Variants in PPARGC1A observed in about 807,000 individuals in gnomAD.
The protein encoded by PPARGC1A is PPARG coactivator 1 alpha.
In PPARGC1A, 25 loss-of-function variants were observed where a neutral mutation model predicts 88.7. The ratio of observed to expected loss-of-function variants is 0.28; its 90% CI spans 0.21 to 0.39. PPARGC1A has a LOEUF of 0.39. Ranked by LOEUF, PPARGC1A falls within the 10% of genes least tolerant of loss-of-function variation. PPARGC1A has a pLI of 1.00. For missense variants in PPARGC1A, 880 were observed against 968.7 expected (o/e 0.91, Z 1.22); for synonymous variants, 363 against 355.6 (o/e 1.02, Z -0.24).
the PPARGC1A span, among the ~76,000 whole-genome samples, chr4:24,122,420 T>TGCGC: frequency 1.9e-5 from 2 of 107,932 alleles, no homozygotes; most frequent in South Asian, 3.7e-4. Flanking sequence ...TGTGTGCATA[T>TGCGC]ATATATATAT....
chr4:24,359,940 G>A, the PPARGC1A span, among the ~76,000 whole-genome samples: 33 of 152,232 alleles, frequency 2.2e-4, no homozygotes, highest in South Asian at 2.1e-4. Flanking sequence ...ACAGCAGCCC[G>A]AGGAAACTAA....
chr4:24,005,979 T>C, the PPARGC1A span, among the ~76,000 whole-genome samples: 4 of 152,166 alleles, frequency 2.6e-5, no homozygotes, highest in East Asian at 7.7e-4. Flanking sequence ...GATCCAGAAC[T>C]AGATGCAAGA....
the PPARGC1A span, among the ~76,000 whole-genome samples, chr4:24,348,629 A>G: frequency 1.3e-5 from 2 of 152,244 alleles, no homozygotes; most frequent in East Asian, 3.9e-4. Flanking sequence ...TTGCATTTCT[A>G]GAAGTGTGTC....
At chr4:23,953,428 C>T in the PPARGC1A span, among the ~76,000 whole-genome samples, 1 of 152,000 alleles carries the variant, frequency 6.6e-6, no homozygotes, top group South Asian at 2.1e-4. Context: ...GAGAGAAAAA[C>T]TTTATTATGG....
intron 2 of PPARGC1A, among the ~76,000 whole-genome samples, chr4:23,876,701 G>T (rs1714753083): frequency 6.6e-6 from 1 of 151,976 alleles, no homozygotes; most frequent in South Asian, 2.1e-4. Context: ...GAATGAAAAA[G>T]TGCAGTGAAG....
the PPARGC1A span, among the ~76,000 whole-genome samples, chr4:24,305,446 C>T: frequency 1.3e-5 from 2 of 152,078 alleles, no homozygotes; most frequent in Admixed American, 6.6e-5. Context: ...CTAACATCTA[C>T]GTTGCAAAGT....
At chr4:24,349,660 A>C in the PPARGC1A span, among the ~76,000 whole-genome samples, 1 of 152,156 alleles carries the variant, frequency 6.6e-6, no homozygotes, top group Non-Finnish European at 1.5e-5. Flanking sequence ...TGCCCCCACC[A>C]ACAGCCCCAA....
the PPARGC1A span, among the ~76,000 whole-genome samples, chr4:24,303,228 A>G: frequency 6.6e-6 from 1 of 152,216 alleles, no homozygotes; most frequent in Non-Finnish European, 1.5e-5. Flanking sequence ...GAAGACAGAG[A>G]AGAAGTTATT....
the PPARGC1A span, among the ~76,000 whole-genome samples, chr4:24,353,315 T>C: frequency 6.7e-6 from 1 of 149,784 alleles, no homozygotes; most frequent in Non-Finnish European, 1.5e-5. Flanking sequence ...AAGCCGAGCA[T>C]AGAAGGGAAC....
the PPARGC1A span, among the ~76,000 whole-genome samples, chr4:24,445,745 G>A: frequency 6.6e-6 from 1 of 152,212 alleles, no homozygotes; most frequent in East Asian, 1.9e-4. Context: ...AATGTGTTCT[G>A]AGAATCTGGA....
At chr4:24,178,358 T>C in the PPARGC1A span, among the ~76,000 whole-genome samples, 58 of 152,194 alleles carry the variant, frequency 3.8e-4, no homozygotes, top group Non-Finnish European at 8.1e-4. Context: ...CCACAAGTTC[T>C]AAATGGCATA....
At chr4:24,249,054 A>T in the PPARGC1A span, among the ~76,000 whole-genome samples, 5 of 152,140 alleles carry the variant, frequency 3.3e-5, no homozygotes, top group Admixed American at 3.3e-4. Flanking sequence ...CCATTTTATA[A>T]TACAGTCCAA....
chr4:23,889,263 C>T (rs1321096907), intron 1 of PPARGC1A: 11 of 985,268 alleles, frequency 1.1e-5, no homozygotes, highest in East Asian at 1.1e-4. Flanking sequence ...GCCACCGACG[C>T]GAACGGAAAA....
the PPARGC1A span, among the ~76,000 whole-genome samples, chr4:23,965,242 A>G: frequency 6.6e-6 from 1 of 152,252 alleles, no homozygotes; most frequent in Non-Finnish European, 1.5e-5. Context: ...GCTATACATC[A>G]CTTTTCTTGG....
chr4:24,188,375 G>GGT, the PPARGC1A span, among the ~76,000 whole-genome samples: 1 of 152,100 alleles, frequency 6.6e-6, no homozygotes, highest in Admixed American at 6.5e-5. Context: ...AGAAACGAAA[G>GGT]GTGAGTCTGG....
chr4:23,809,226 C>G (rs1039761395), intron 10 of PPARGC1A, among the ~76,000 whole-genome samples: 1 of 152,058 alleles, frequency 6.6e-6, no homozygotes, highest in Non-Finnish European at 1.5e-5. Context: ...TCCCTGCACT[C>G]AAGTCCATAA....
At chr4:24,347,008 C>T in the PPARGC1A span, among the ~76,000 whole-genome samples, 11 of 151,984 alleles carry the variant, frequency 7.2e-5, no homozygotes, top group African/African-American at 2.7e-4. Context: ...TTTTAATTTC[C>T]ATCTTGATAT....
At chr4:24,113,055 T>C in the PPARGC1A span, among the ~76,000 whole-genome samples, 416 of 152,336 alleles carry the variant, frequency 2.7e-3, 5 homozygotes, top group East Asian at 0.051. Flanking sequence ...GAAAACTTCC[T>C]TGCTTCTCCC....
chr4:24,250,544 C>T, the PPARGC1A span, among the ~76,000 whole-genome samples: 9 of 152,180 alleles, frequency 5.9e-5, no homozygotes, highest in Admixed American at 3.3e-4. Flanking sequence ...ATTTTGGGGG[C>T]ATGCACTCTT....
Sources: allele counts gnomAD v4.1 joint callset (sites outside exome capture counted in the v4.1 genomes callset), GRCh38; gene constraint gnomAD v4.1.1; transcripts MANE v1.5; gene names NCBI Gene and HGNC (gene_info 2026-07-23, HGNC 2026-07-21).